Variants in MAT2B observed in about 807,000 individuals in gnomAD.
MAT2B encodes the protein methionine adenosyltransferase 2 subunit beta.
In MAT2B, 16 loss-of-function variants were observed where a neutral mutation model predicts 36.1. That is an observed-to-expected ratio of 0.44 (90% CI 0.30 to 0.67). MAT2B has a LOEUF of 0.67. Among genes scored for constraint, MAT2B ranks in the 30% least tolerant of loss-of-function variants. MAT2B has a pLI of 0.09. For synonymous variants in MAT2B, 148 were observed against 136.9 expected, an observed-to-expected ratio of 1.08 and a Z score of -0.57; for missense variants, 332 against 398.2, an observed-to-expected ratio of 0.83 and a Z score of 1.42.
Position 163,515,600 on chromosome 5 carries a change from C to T in MAT2B, c.527-918C>T, listed in dbSNP as rs1760117500. 2.0e-5 allele frequency among the ~76,000 whole-genome samples: 3 copies of T among 151,870 alleles called. No homozygotes were observed. In the South Asian group the frequency reaches 6.2e-4, roughly 32 times the overall value. ...ATTTTCTCATTTATGCCAAAAATGT[C>T]CTTTATTGCTTTTATTTTTTAATCT... On this transcript the variant is annotated intron_variant, in intron 4 of 6. Transcript: ENST00000321757.
chr5:163,511,889 A>T, intron 1 of MAT2B, 113 bp from the exon 2 acceptor site: 1 of 784,344 alleles, frequency 1.3e-6, no homozygotes, highest in Non-Finnish European at 2.1e-6. Context: ...GATATGGGAC[A>T]TGAGTCAAAA....
chr5:163,518,381 C>A lies in MAT2B; in HGVS notation c.*18C>A. 4.4e-6 allele frequency: 6 copies of A among 1,351,080 alleles called. No individual in the cohort carries two copies. Among genetic ancestry groups the A allele is most frequent in the Non-Finnish European group, 6.0e-6 (6 of 996,078 alleles). The allele number at this position is 1,351,080 out of a possible 1,614,324, so 83.7% of individuals were successfully genotyped here. On this transcript the variant is annotated 3_prime_UTR_variant, in exon 7 of 7. Coordinates refer to ENST00000321757, the MANE Select transcript of MAT2B (RefSeq NM_013283.5). ...TTCATTAGTTTATTTGTGTTGGGTTCTTTTTTTTTTTTAAATGAAAAGTAT... is the reference window on the plus strand; with the variant it reads ...TTCATTAGTTTATTTGTGTTGGGTTATTTTTTTTTTTTAAATGAAAAGTAT...
At chr5:163,511,026 C>T (rs1382326593) in intron 1 of MAT2B, among the ~76,000 whole-genome samples, 1 of 151,978 alleles carries the variant, frequency 6.6e-6, no homozygotes, top group Admixed American at 6.6e-5. Flanking sequence ...CACCTTCAGT[C>T]GTATCTATAG....
chr5:163,509,162 T>A (rs888160870), intron 1 of MAT2B, among the ~76,000 whole-genome samples: 1 of 151,902 alleles, frequency 6.6e-6, no homozygotes, highest in African/African-American at 2.4e-5. Context: ...TTCATAAGAT[T>A]TTTTTTAAAT....
intron 1 of MAT2B, among the ~76,000 whole-genome samples, chr5:163,507,406 G>A (rs1759965394): frequency 6.6e-6 from 1 of 152,066 alleles, no homozygotes; most frequent in Admixed American, 6.6e-5. Context: ...TTCAAGAAAT[G>A]TTTTTTTGGT....
At chr5:163,513,788 A>G (rs1368117139) in intron 3 of MAT2B, 54 bp from the exon 4 acceptor site, 33 of 1,556,088 alleles carry the variant, frequency 2.1e-5, no homozygotes, top group Non-Finnish European at 2.3e-5. Context: ...TCTAAATTCC[A>G]TGAAAGAGTA....
chr5:163,518,289 T>C lies in MAT2B; in HGVS notation c.931T>C (p.Phe311Leu). The C allele has an allele frequency of 6.2e-7, 1 of 1,613,978 alleles. No individual in the cohort carries two copies. Among genetic ancestry groups the C allele is most frequent in the Non-Finnish European group, 8.5e-7 (1 of 1,179,900 alleles). ...CTTGGGCATTGGCCAACGAACACCA[T>C]TTCGAATTGGAATCAAAGAATCACT... Reference protein sequence around the residue: ...ETLGIGQRTPFRIGIKESLWP... With the variant: ...ETLGIGQRTPLRIGIKESLWP... The change falls in exon 7 of 7, where the codon TTT becomes CTT. Residue 311 changes from phenylalanine to leucine, a missense_variant. Transcript: ENST00000321757.
chr5:163,506,437 GC>G (rs1001349065), intron 1 of MAT2B, among the ~76,000 whole-genome samples: 2 of 152,144 alleles, frequency 1.3e-5, no homozygotes, highest in South Asian at 2.1e-4. Flanking sequence ...CATCTCTGGT[GC>G]CCCCCTCGCC....
At chr5:163,506,561 A>C (rs1475550226) in intron 1 of MAT2B, among the ~76,000 whole-genome samples, 1 of 152,102 alleles carries the variant, frequency 6.6e-6, no homozygotes, top group African/African-American at 2.4e-5. Context: ...TGTCTTTTGG[A>C]GAGAGTAGAG....
chr5:163,516,940 CTTTTA>C (rs969166538), intron 5 of MAT2B: 6 of 587,356 alleles, frequency 1.0e-5, no homozygotes, highest in African/African-American at 3.7e-5. Context: ...CCCATCATTT[CTTTTA>C]TTGCAAAGTG....
rs1207048090 is a variant in MAT2B at position 163,513,564 on chromosome 5, A to G, written c.268A>G (p.Ile90Val). ...AATGCTTAACTTCTAGCCCCATGTT[A>G]TAGTACATTGTGCAGCAGAGAGAAG... ...HIIHDFQPHV[I>V]VHCAAERRPD... Residue 90 changes from isoleucine (I) to valine (V), a missense_variant, in exon 3 of 7, where the codon ATA becomes GTA. Coordinates refer to ENST00000321757, the MANE Select transcript of MAT2B (RefSeq NM_013283.5). 7.5e-6 allele frequency: 12 copies of G among 1,597,110 alleles called. No homozygotes were observed. Among genetic ancestry groups the G allele is most frequent in the East Asian group, 4.5e-5 (2 of 44,742 alleles).
At position 163,517,689 on chromosome 5, in the gene MAT2B, G is replaced by A. The variant is rs558100435; in HGVS notation, c.834+15G>A. On this transcript the variant is annotated intron_variant, in intron 6 of 6. Coordinates refer to ENST00000321757, the MANE Select transcript of MAT2B (RefSeq NM_013283.5). ...ACTTAAGACCTGTAAGTACATGGCT[G>A]TAAAAACCTTTAGATCCATTGCTAT... 4.6e-6 allele frequency: 7 copies of A among 1,514,362 alleles called. No homozygotes were observed. The South Asian group carries it at 5.6e-5, about 12-fold the overall frequency. The allele number at this position is 1,514,362 out of a possible 1,614,324, so 93.8% of individuals were successfully genotyped here. A position where few individuals can be genotyped will look rare whatever the true frequency, so the allele number is the denominator to read the frequency against.
At position 163,518,458 on chromosome 5, in the gene MAT2B, T is replaced by C; in HGVS notation, c.*95T>C. The C allele has an allele frequency of 2.0e-6, 2 of 983,608 alleles. No homozygotes were observed. The highest frequency in any genetic ancestry group is 2.9e-6 in the Non-Finnish European group (2 of 681,362). 60.9% of individuals were successfully genotyped at this position (983,608 alleles called of 1,614,324 possible). ...AGGAAATAGTTTTGTATGAGTACTT[T>C]AATTGTGACTCTTAGGATCTTTCAG... is the stretch of plus-strand genomic sequence containing the variant. On this transcript the variant is annotated 3_prime_UTR_variant, in exon 7 of 7. Coordinates refer to ENST00000321757, the MANE Select transcript of MAT2B (RefSeq NM_013283.5).
intron 6 of MAT2B, chr5:163,517,892 G>A (rs1251157712): frequency 6.1e-6 from 3 of 489,208 alleles, no homozygotes; most frequent in South Asian, 3.7e-5. Flanking sequence ...CAGGCATTTG[G>A]TTTATTTTTC....
At position 163,516,642 on chromosome 5, in the gene MAT2B, G is replaced by A. The variant is rs756203016; in HGVS notation, c.651G>A (p.Gln217=). Residue 217 remains glutamine (Q), a synonymous_variant, in exon 5 of 7, where the codon CAG becomes CAA. Transcript: ENST00000321757. ...SNKSANMDHW[Q]QRFPTHVKDV... is the part of the protein sequence containing the mutation. The stretch of plus-strand genomic sequence containing the variant: ...AGTCAGCAAACATGGATCACTGGCA[G>A]CAGAGGTTCCCCACACATGTCAAAG... The A allele has an allele frequency of 4.3e-6, 7 of 1,614,198 alleles. No individual in the cohort carries two copies. The highest frequency in any genetic ancestry group is 1.1e-5 in the South Asian group (1 of 91,092).
chr5:163,509,519 C>G (rs1418242099), intron 1 of MAT2B, among the ~76,000 whole-genome samples: 1 of 152,158 alleles, frequency 6.6e-6, no homozygotes, highest in Non-Finnish European at 1.5e-5. Context: ...CCTTTGTGAT[C>G]TAAAAGCCCT....
At position 163,512,450 on chromosome 5, in the gene MAT2B, T is replaced by C; in HGVS notation, c.258+254T>C. On this transcript the variant is annotated intron_variant, in intron 2 of 6. Coordinates refer to ENST00000321757, the MANE Select transcript of MAT2B (RefSeq NM_013283.5). ...TATAGAGTGCCTTCTAAGTAATACT[T>C]TCTCTGCAAATGGTTTTCAAATGTT... is the stretch of plus-strand genomic sequence containing the variant. 4 of 510,598 alleles carry C rather than the reference T, an allele frequency of 7.8e-6. No individual in the cohort carries two copies. The South Asian group carries it at 8.4e-5, about 11-fold the overall frequency. 31.6% of individuals were successfully genotyped at this position (510,598 alleles called of 1,614,324 possible).
chr5:163,503,392 G>C (rs80167081), upstream of MAT2B: 4 of 1,614,018 alleles, frequency 2.5e-6, no homozygotes, highest in South Asian at 4.4e-5. Context: ...TAATTCTGGA[G>C]TCATGCCTGA....
intron 1 of MAT2B, 67 bp from the exon 2 acceptor site, chr5:163,511,934 GT>G (rs11307015): frequency 0.47 from 538,378 of 1,153,910 alleles, 132,481 homozygotes; most frequent in East Asian, 0.75. Flanking sequence ...AACAACGATG[GT>G]GCCTAATATA....
Sources: gnomAD v4.1 joint callset for allele counts (sites outside exome capture counted in the v4.1 genomes callset) on GRCh38, gnomAD v4.1.1 for gene constraint, MANE v1.5 for transcripts, NCBI Gene and HGNC (gene_info 2026-07-23, HGNC 2026-07-21) for gene names.